The following SIPA1L3 variants were observed in gnomAD, a reference collection of about 807,000 sequenced individuals.
SIPA1L3 encodes signal induced proliferation associated 1 like 3, also known as signal-induced proliferation-associated 1-like protein 3.
A neutral mutation model predicts 150.1 loss-of-function variants in SIPA1L3; 59 were observed. The ratio of observed to expected loss-of-function variants is 0.39; its 90% confidence interval spans 0.32 to 0.49. The LOEUF (loss-of-function observed/expected upper bound fraction) is 0.49. SIPA1L3 is among the 20% of genes least tolerant of loss of function. SIPA1L3 has a pLI of 0.86. For synonymous variants in SIPA1L3, 1,070 were observed against 1,077.6 expected, an observed-to-expected ratio of 0.99 and a Z score of 0.14; for missense variants, 2,211 against 2,489.5, an observed-to-expected ratio of 0.89 and a Z score of 2.38.
intron 15 of SIPA1L3, among the ~76,000 whole-genome samples, chr19:38,176,311 C>T (rs1191682328): frequency 6.6e-6 from 1 of 152,056 alleles, no homozygotes; most frequent in Non-Finnish European, 1.5e-5. Flanking sequence ...CTGCACCCGG[C>T]TGGCCACTTA....
At chr19:38,182,154 G>C (rs1972569754) in intron 15 of SIPA1L3, among the ~76,000 whole-genome samples, 2 of 110,336 alleles carry the variant, frequency 1.8e-5, no homozygotes, top group Non-Finnish European at 3.5e-5. Context: ...AAAAAAGAAA[G>C]GTTAGGAAGG....
chr19:38,205,934 G>A (rs184185872), intron 21 of SIPA1L3, among the ~76,000 whole-genome samples, 163 bp from the exon 22 acceptor site: 4 of 152,330 alleles, frequency 2.6e-5, no homozygotes, highest in East Asian at 3.9e-4. Context: ...AGGGTCCCTC[G>A]GTTGTGGAGA....
At chr19:38,016,886 CTTTTTTTTTTT>C (rs58459050) in intron 1 of SIPA1L3, among the ~76,000 whole-genome samples, 8 of 69,106 alleles carry the variant, frequency 1.2e-4, no homozygotes, top group African/African-American at 4.7e-4. Flanking sequence ...CCTCCTCTGG[CTTTTTTTTTTT>C]TTTTTTTTTT....
Position 38,020,926 on chromosome 19 carries a change from G to A in SIPA1L3, c.-378-8163G>A, listed in dbSNP as rs140235251. On this transcript the variant is annotated intron_variant, in intron 1 of 21. Transcript: ENST00000222345. ...AGCAATTCTCCTGTCTCAGCCTCCC[G>A]AGTAGCTGGGACTACAGGCGTGTGC... Among the ~76,000 whole-genome samples the A allele has an allele frequency of 1.1e-3, 165 of 151,982 alleles. 1 individual carries two copies. Among genetic ancestry groups the A allele is most frequent in the African/African-American group, 3.8e-3 (158 of 41,436 alleles).
chr19:37,941,866 G>T (rs1227854054), intron 1 of SIPA1L3, among the ~76,000 whole-genome samples: 1 of 152,192 alleles, frequency 6.6e-6, no homozygotes, highest in African/African-American at 2.4e-5. Flanking sequence ...CTCCATTGCA[G>T]AGGCAAGCCC....
At position 38,082,735 on chromosome 19, in the gene SIPA1L3, C is replaced by A; in HGVS notation, c.1170C>A (p.His390Gln). 6.2e-7 allele frequency: 1 copy of A among 1,612,484 alleles called. No homozygotes were observed. The highest frequency in any genetic ancestry group is 8.5e-7 in the Non-Finnish European group (1 of 1,179,746). Residue 390 changes from histidine (H) to glutamine (Q), a missense_variant, in exon 3 of 22, where the codon CAC (histidine) becomes CAA (glutamine). Physicochemically the swap from His to Gln is conservative, Grantham distance 24. Transcript: ENST00000222345. ...AMASLTASRAHSLGGLDPAFT... is the reference protein window; with the variant it reads ...AMASLTASRAQSLGGLDPAFT... ...CCTCCCTCACGGCCTCGCGGGCCCA[C>A]AGCCTCGGAGGCCTGGACCCGGCCT...
chr19:37,930,448 C>T lies in SIPA1L3; in HGVS notation c.-379+23090C>T, dbSNP rs150356146. ...TGCTGAGATTACAGGTGTGAGCCAC[C>T]GTGCCCAGCATAAATGTGACTTATA... On this transcript the variant is annotated intron_variant, in intron 1 of 21. Coordinates refer to ENST00000222345, the MANE Select transcript of SIPA1L3 (RefSeq NM_015073.3). 7.9e-5 allele frequency among the ~76,000 whole-genome samples: 12 copies of T among 152,252 alleles called. No individual in the cohort carries two copies. The East Asian group carries it at 1.5e-3, about 20-fold the overall frequency.
At chr19:37,984,928 G>C (rs1239433009) in intron 1 of SIPA1L3, among the ~76,000 whole-genome samples, 1 of 152,172 alleles carries the variant, frequency 6.6e-6, no homozygotes, top group African/African-American at 2.4e-5. Flanking sequence ...AAATATTTCT[G>C]GGGCCTCTTG....
At chr19:37,949,499 C>T (rs2046742176) in intron 1 of SIPA1L3, among the ~76,000 whole-genome samples, 1 of 152,130 alleles carries the variant, frequency 6.6e-6, no homozygotes, top group Admixed American at 6.5e-5. Context: ...AACCCCATCT[C>T]TACTAAAAAT....
chr19:37,939,540 T>TC (rs2046633920), intron 1 of SIPA1L3, among the ~76,000 whole-genome samples: 1 of 152,074 alleles, frequency 6.6e-6, no homozygotes, highest in Non-Finnish European at 1.5e-5. Context: ...TGTGTTCTCA[T>TC]CAGGGACCCA....
intron 10 of SIPA1L3, among the ~76,000 whole-genome samples, chr19:38,139,154 C>T (rs1211737433): frequency 6.6e-6 from 1 of 152,102 alleles, no homozygotes; most frequent in African/African-American, 2.4e-5. Flanking sequence ...CGAGATCTCA[C>T]CATTGCACTC....
At chr19:37,986,528 C>G (rs1196400695) in intron 1 of SIPA1L3, among the ~76,000 whole-genome samples, 1 of 152,172 alleles carries the variant, frequency 6.6e-6, no homozygotes, top group African/African-American at 2.4e-5. Flanking sequence ...TATTTGATGC[C>G]AGGAAGCTGA....
At chr19:38,028,107 T>C (rs1034191688) in intron 1 of SIPA1L3, among the ~76,000 whole-genome samples, 3 of 152,162 alleles carry the variant, frequency 2.0e-5, no homozygotes, top group Non-Finnish European at 4.4e-5. Flanking sequence ...AATGTGATGC[T>C]GAACAATACA....
At position 38,056,992 on chromosome 19, in the gene SIPA1L3, C is replaced by T. The variant is rs138305331; in HGVS notation, c.-310-24264C>T. ...GTCGTTAAAAAATATATATGGGGACCGGGCGCGGTGGCTCAACGCCTGTAA... is the reference window on the plus strand; with the variant it reads ...GTCGTTAAAAAATATATATGGGGACTGGGCGCGGTGGCTCAACGCCTGTAA... On this transcript the variant is annotated intron_variant, in intron 2 of 21. Transcript: ENST00000222345. 2.5e-3 allele frequency among the ~76,000 whole-genome samples: 379 copies of T among 152,076 alleles called. 3 individuals are homozygous for T. Among genetic ancestry groups the T allele is most frequent in the East Asian group, 0.018 (94 of 5,162 alleles).
At chr19:38,108,613 G>T (rs1220921426) in intron 7 of SIPA1L3, 1 of 152,242 alleles carries the variant, frequency 6.6e-6, no homozygotes, top group African/African-American at 2.4e-5. Flanking sequence ...GTCACTTAGA[G>T]CTCCGTGGGA....
chr19:38,155,136 ATG>A (rs1221507333), intron 13 of SIPA1L3, among the ~76,000 whole-genome samples: 1 of 152,224 alleles, frequency 6.6e-6, no homozygotes, highest in Non-Finnish European at 1.5e-5. Flanking sequence ...GTCTATCAAC[ATG>A]TGAGAGTTCT....
At chr19:38,201,464 G>T (rs1973085568) in intron 19 of SIPA1L3, among the ~76,000 whole-genome samples, 1 of 152,200 alleles carries the variant, frequency 6.6e-6, no homozygotes, top group Non-Finnish European at 1.5e-5. Flanking sequence ...AATCCCCGTG[G>T]ACCTGGCGCC....
At chr19:37,932,715 G>A (rs1375843099) in intron 1 of SIPA1L3, 1 of 152,236 alleles carries the variant, frequency 6.6e-6, no homozygotes, top group Non-Finnish European at 1.5e-5. Context: ...CATTAAATTT[G>A]GCAGTGACTT....
At chr19:38,090,102 G>T (rs1970227415) in intron 4 of SIPA1L3, among the ~76,000 whole-genome samples, 1 of 152,068 alleles carries the variant, frequency 6.6e-6, no homozygotes, top group Non-Finnish European at 1.5e-5. Flanking sequence ...GGCCGAGGCA[G>T]GCAGGTCACC....
Sources: allele counts gnomAD v4.1 joint callset (sites outside exome capture counted in the v4.1 genomes callset), GRCh38; gene constraint gnomAD v4.1.1; transcripts MANE v1.5; gene names NCBI Gene and HGNC (gene_info 2026-07-23, HGNC 2026-07-21).